XPR1: variants seen among roughly 807,000 people sequenced by gnomAD.
XPR1 encodes solute carrier family 53 member 1.
Under a neutral mutation model 87.5 loss-of-function variants are expected in XPR1, and 28 were observed. The ratio of observed to expected loss-of-function variants is 0.32; its 90% CI spans 0.24 to 0.44. The LOEUF is 0.44. XPR1 is among the 20% of genes least tolerant of loss of function. The pLI is 1.00. For synonymous variants in XPR1, 300 were observed against 306.1 expected (o/e 0.98, Z 0.21); for missense variants, 559 against 862.3 (o/e 0.65, Z 4.41).
intron 3 of XPR1, among the ~76,000 whole-genome samples, chr1:180,794,524 T>A (rs1219515917): frequency 6.6e-6 from 1 of 152,240 alleles, no homozygotes; most frequent in Non-Finnish European, 1.5e-5. Flanking sequence ...AAAGTTTATG[T>A]GCAATATGAC....
At chr1:180,785,415 C>T (rs1315255234) in intron 2 of XPR1, among the ~76,000 whole-genome samples, 1 of 152,076 alleles carries the variant, frequency 6.6e-6, no homozygotes, top group Non-Finnish European at 1.5e-5. Flanking sequence ...GCCTTGGTCT[C>T]CCAAAATGCT....
intron 2 of XPR1, among the ~76,000 whole-genome samples, chr1:180,769,211 A>G (rs1459057052): frequency 1.3e-5 from 2 of 152,200 alleles, no homozygotes; most frequent in East Asian, 3.8e-4. Context: ...ATCATGGAGA[A>G]TGAGGTATCC....
intron 7 of XPR1, among the ~76,000 whole-genome samples, chr1:180,821,744 C>A (rs1650631288): frequency 6.6e-6 from 1 of 152,170 alleles, no homozygotes; most frequent in African/African-American, 2.4e-5. Flanking sequence ...ACAGGTCTTT[C>A]ACTTACTTGG....
chr1:180,883,374 G>T (rs1241389336), intron 14 of XPR1, among the ~76,000 whole-genome samples: 1 of 151,958 alleles, frequency 6.6e-6, no homozygotes, highest in Non-Finnish European at 1.5e-5. Flanking sequence ...TTACAGAGAT[G>T]GAAACGGGCA....
intron 11 of XPR1, among the ~76,000 whole-genome samples, chr1:180,840,531 T>TG (rs1427780474): frequency 4.3e-5 from 4 of 93,548 alleles, no homozygotes; most frequent in Admixed American, 2.8e-4. Flanking sequence ...GGTTAACATA[T>TG]TTGTGTGTGT....
chr1:180,866,866 G>C (rs1189340367), intron 12 of XPR1, among the ~76,000 whole-genome samples: 4 of 131,654 alleles, frequency 3.0e-5, no homozygotes, highest in Non-Finnish European at 6.3e-5. Flanking sequence ...CATTGTGCAG[G>C]TTAGTTACAT....
chr1:180,761,347 G>A (rs1389723754), intron 2 of XPR1, among the ~76,000 whole-genome samples: 1 of 152,102 alleles, frequency 6.6e-6, no homozygotes, highest in Non-Finnish European at 1.5e-5. Context: ...TACAAAGTGG[G>A]AGAAAATTTT....
At chr1:180,670,042 TTAAG>T (rs2101929622) in intron 1 of XPR1, among the ~76,000 whole-genome samples, 1 of 152,328 alleles carries the variant, frequency 6.6e-6, no homozygotes, top group South Asian at 2.1e-4. Context: ...TTTGTGTCTT[TTAAG>T]TTTTTCTTAA....
At chr1:180,662,320 G>A (rs189996235) in intron 1 of XPR1, among the ~76,000 whole-genome samples, 31 of 152,082 alleles carry the variant, frequency 2.0e-4, no homozygotes, top group Admixed American at 8.5e-4. Flanking sequence ...TGTTATTCCA[G>A]ATGAAATAAT....
chr1:180,663,678 C>G (rs1655856589), intron 1 of XPR1, among the ~76,000 whole-genome samples: 1 of 152,092 alleles, frequency 6.6e-6, no homozygotes, highest in Non-Finnish European at 1.5e-5. Flanking sequence ...ACCTAGGGCT[C>G]TATATTCAGC....
At chr1:180,834,277 A>C (rs944499108) in intron 9 of XPR1, among the ~76,000 whole-genome samples, 2 of 152,022 alleles carry the variant, frequency 1.3e-5, no homozygotes, top group Non-Finnish European at 2.9e-5. Context: ...AGATGGTTTC[A>C]CCATGTTGGC....
At chr1:180,826,094 TAA>T (rs1650824765) in intron 9 of XPR1, among the ~76,000 whole-genome samples, 1 of 152,088 alleles carries the variant, frequency 6.6e-6, no homozygotes, top group Admixed American at 6.5e-5. Flanking sequence ...TTGTTTATAA[TAA>T]GTTCTTTTTT....
At chr1:180,824,438 G>A (rs1262472371) in intron 7 of XPR1, among the ~76,000 whole-genome samples, 1 of 152,028 alleles carries the variant, frequency 6.6e-6, no homozygotes, top group African/African-American at 2.4e-5. Flanking sequence ...ACAATTAGCT[G>A]GGCGTGGTGG....
At chr1:180,658,718 C>G (rs1655626090) in intron 1 of XPR1, among the ~76,000 whole-genome samples, 2 of 150,764 alleles carry the variant, frequency 1.3e-5, no homozygotes. Flanking sequence ...GCGCCCGCCA[C>G]CATGCCCAGC....
chr1:180,752,351 G>C (rs1269945801), intron 2 of XPR1, among the ~76,000 whole-genome samples: 4 of 152,094 alleles, frequency 2.6e-5, no homozygotes, highest in African/African-American at 4.8e-5. Context: ...TATAATTTTA[G>C]TATGGATGTT....
chr1:180,662,821 C>CT (rs901199849), intron 1 of XPR1, among the ~76,000 whole-genome samples: 5 of 152,000 alleles, frequency 3.3e-5, no homozygotes, highest in Non-Finnish European at 5.9e-5. Flanking sequence ...TTTTTTATTC[C>CT]TTTTTCTTTC....
chr1:180,644,896 C>G (rs746573201), intron 1 of XPR1, among the ~76,000 whole-genome samples: 11 of 151,950 alleles, frequency 7.2e-5, no homozygotes, highest in Non-Finnish European at 1.5e-4. Flanking sequence ...TTTCCTGCAA[C>G]TAGATGGTCC....
At chr1:180,849,518 T>A (rs1410056377) in intron 11 of XPR1, among the ~76,000 whole-genome samples, 6 of 152,206 alleles carry the variant, frequency 3.9e-5, no homozygotes, top group African/African-American at 1.4e-4. Flanking sequence ...TTACCATGTC[T>A]TCTGCTAAAG....
chr1:180,664,623 T>C (rs1277673822), intron 1 of XPR1, among the ~76,000 whole-genome samples: 1 of 152,174 alleles, frequency 6.6e-6, no homozygotes, highest in Non-Finnish European at 1.5e-5. Flanking sequence ...ACAGATGACA[T>C]GAGCACCCCC....
Sources: gnomAD v4.1 joint callset for allele counts (sites outside exome capture counted in the v4.1 genomes callset) on GRCh38, gnomAD v4.1.1 for gene constraint, MANE v1.5 for transcripts, NCBI Gene and HGNC (gene_info 2026-07-23, HGNC 2026-07-21) for gene names.